CDK19: variants seen among roughly 807,000 people sequenced by gnomAD.
CDK19 encodes cyclin-dependent kinase 19.
CDK19 carries 20 observed loss-of-function variants against 68.3 expected under a neutral mutation model. That is an observed-to-expected ratio of 0.29 (90% CI 0.21 to 0.43). CDK19 has a LOEUF of 0.43. CDK19 is among the 20% of genes least tolerant of loss of function. The pLI, the probability that CDK19 is intolerant of heterozygous loss-of-function variation, is 1.00. For missense variants in CDK19, 339 were observed against 623.5 expected (o/e 0.54, Z 4.86); for synonymous variants, 221 against 222.8 (o/e 0.99, Z 0.07).
rs549563302 is a variant in CDK19, at chr6:110,640,093, C to T, written c.457-1387G>A. 2.5e-3 allele frequency among the ~76,000 whole-genome samples: 373 copies of T among 151,982 alleles called. 1 individual carries two copies. Among genetic ancestry groups the T allele is most frequent in the African/African-American group, 8.7e-3 (360 of 41,460 alleles). The stretch of plus-strand genomic sequence containing the variant: ...TAAAATAGCCTAGTGTGGTGGCATG[C>T]ACCTGGAGTCCCTGCTACTCAGGAG... On this transcript the variant is annotated intron_variant, in intron 4 of 12. Transcript: ENST00000368911.
chr6:110,726,170 A>C (rs1776300429), intron 2 of CDK19, among the ~76,000 whole-genome samples: 1 of 152,228 alleles, frequency 6.6e-6, no homozygotes, highest in Non-Finnish European at 1.5e-5. Context: ...TCATGATGCA[A>C]CTGTTATAAT....
chr6:110,619,489 T>C (rs1582685896), intron 12 of CDK19, among the ~76,000 whole-genome samples: 1 of 151,484 alleles, frequency 6.6e-6, no homozygotes, highest in African/African-American at 2.4e-5. Flanking sequence ...TGGAGGGAAG[T>C]TTTACAGGGT....
At chr6:110,688,014 T>C (rs893584840) in intron 2 of CDK19, among the ~76,000 whole-genome samples, 1 of 152,190 alleles carries the variant, frequency 6.6e-6, no homozygotes, top group Non-Finnish European at 1.5e-5. Flanking sequence ...TGAAATGTTC[T>C]CCAGTGTAAG....
At chr6:110,723,385 C>T (rs1377557327) in intron 2 of CDK19, among the ~76,000 whole-genome samples, 2 of 152,050 alleles carry the variant, frequency 1.3e-5, no homozygotes, top group Non-Finnish European at 2.9e-5. Flanking sequence ...AAAATCTATC[C>T]CCACTGTGCC....
chr6:110,676,238 T>A (rs2114484983), intron 2 of CDK19, among the ~76,000 whole-genome samples: 1 of 152,346 alleles, frequency 6.6e-6, no homozygotes, highest in East Asian at 1.9e-4. Context: ...GAGGATTAAC[T>A]GAATTTCTGC....
At chr6:110,631,971 C>T in intron 6 of CDK19, 59 bp downstream of exon 6, 1 of 1,472,548 alleles carries the variant, frequency 6.8e-7, no homozygotes, top group South Asian at 1.2e-5. Context: ...TATTATTATA[C>T]CATTTTATAT....
intron 2 of CDK19, among the ~76,000 whole-genome samples, chr6:110,717,282 T>G (rs936481041): frequency 6.6e-6 from 1 of 152,084 alleles, no homozygotes; most frequent in Non-Finnish European, 1.5e-5. Flanking sequence ...CTTGGGCCCC[T>G]GTATATACAT....
In CDK19 at chr6:110,691,617, C is replaced by CTATTT. The variant is rs1046143716; in HGVS notation, c.205-21081_205-21077dup. ...TGGACAACATGAGAAAACCTCATCT[C>CTATTT]TATTTTATTTTATTTTATTTTATTA... is the stretch of plus-strand genomic sequence containing the variant. On this transcript the variant is annotated intron_variant, in intron 2 of 12. Coordinates refer to ENST00000368911, the MANE Select transcript of CDK19 (RefSeq NM_015076.5). 4.9e-4 allele frequency among the ~76,000 whole-genome samples: 75 copies of CTATTT among 151,662 alleles called. 1 individual carries two copies. The Middle Eastern group carries it at 0.014, about 28-fold the overall frequency.
chr6:110,789,118 T>C (rs958764912), intron 1 of CDK19, among the ~76,000 whole-genome samples: 1 of 152,186 alleles, frequency 6.6e-6, no homozygotes, highest in African/African-American at 2.4e-5. Flanking sequence ...GCAAGAAGAA[T>C]TGGCTATGAA....
At chr6:110,634,461 G>A (rs1448072105) in intron 5 of CDK19, among the ~76,000 whole-genome samples, 3 of 152,136 alleles carry the variant, frequency 2.0e-5, no homozygotes, top group Non-Finnish European at 4.4e-5. Context: ...CAAGTGATCT[G>A]CCTGCCTCAG....
chr6:110,683,407 A>T (rs1052576242), intron 2 of CDK19, among the ~76,000 whole-genome samples: 20 of 152,168 alleles, frequency 1.3e-4, no homozygotes, highest in African/African-American at 4.8e-4. Context: ...GTTAGCTTTG[A>T]CATCAGAGAT....
In CDK19 at chr6:110,644,148, C is replaced by T. The variant is rs1395245128; in HGVS notation, c.457-5442G>A. ...CTCTACTGAAAATACAAAAATTAGC[C>T]GGGCATGATGGCCCGTGCCTGTAGT... is the stretch of plus-strand genomic sequence containing the variant. On this transcript the variant is annotated intron_variant, in intron 4 of 12. Transcript: ENST00000368911. 4.6e-5 allele frequency among the ~76,000 whole-genome samples: 7 copies of T among 151,958 alleles called. No individual in the cohort carries two copies. In the East Asian group the frequency reaches 5.8e-4, roughly 13 times the overall value.
intron 1 of CDK19, among the ~76,000 whole-genome samples, chr6:110,762,242 ACT>A (rs1234768445): frequency 6.6e-6 from 1 of 152,158 alleles, no homozygotes; most frequent in Admixed American, 6.5e-5. Flanking sequence ...CAAAATATTC[ACT>A]GTTTTTGGCC....
At chr6:110,778,723 G>A (rs572095034) in intron 1 of CDK19, among the ~76,000 whole-genome samples, 1 of 152,290 alleles carries the variant, frequency 6.6e-6, no homozygotes, top group Non-Finnish European at 1.5e-5. Context: ...TGGGTGGCAT[G>A]TATCCAGGTG....
intron 1 of CDK19, among the ~76,000 whole-genome samples, chr6:110,794,694 C>T (rs758647065): frequency 5.3e-5 from 8 of 151,784 alleles, no homozygotes; most frequent in Admixed American, 6.6e-5. Flanking sequence ...TGAGCCACCA[C>T]GCCTGGCCTG....
At chr6:110,655,881 A>C (rs1781281931) in intron 4 of CDK19, among the ~76,000 whole-genome samples, 1 of 152,156 alleles carries the variant, frequency 6.6e-6, no homozygotes, top group African/African-American at 2.4e-5. Flanking sequence ...CCACACTTCT[A>C]AACAGGACAA....
intron 1 of CDK19, among the ~76,000 whole-genome samples, chr6:110,779,143 T>C (rs1278401271): frequency 6.6e-6 from 1 of 152,200 alleles, no homozygotes; most frequent in African/African-American, 2.4e-5. Flanking sequence ...TCTTGGCACA[T>C]GATTCCTTAT....
chr6:110,810,503 G>A (rs1783004692), intron 1 of CDK19, among the ~76,000 whole-genome samples: 1 of 152,128 alleles, frequency 6.6e-6, no homozygotes, highest in Non-Finnish European at 1.5e-5. Flanking sequence ...GGCCAGGTAA[G>A]GTGGCTCACG....
At position 110,705,796 on chromosome 6, in the gene CDK19, T is replaced by C. The variant is rs58227659; in HGVS notation, c.205-35255A>G. On this transcript the variant is annotated intron_variant, in intron 2 of 12. Transcript: ENST00000368911. ...ACATGTTCCCACTCATAAGTGAGAGTTGAACAATGAGAACATATAGCCACA... is the reference window on the plus strand; with the variant it reads ...ACATGTTCCCACTCATAAGTGAGAGCTGAACAATGAGAACATATAGCCACA... Among the ~76,000 whole-genome samples the C allele has an allele frequency of 5.2e-3, 795 of 151,840 alleles. 6 individuals are homozygous for C. Among genetic ancestry groups the C allele is most frequent in the African/African-American group, 0.019 (774 of 41,394 alleles).
Sources: gnomAD v4.1 joint callset for allele counts (sites outside exome capture counted in the v4.1 genomes callset) on GRCh38, gnomAD v4.1.1 for gene constraint, MANE v1.5 for transcripts, NCBI Gene and HGNC (gene_info 2026-07-23, HGNC 2026-07-21) for gene names.